The following FSTL4 variants were observed in gnomAD, a reference collection of about 807,000 sequenced individuals.
The protein encoded by FSTL4 is follistatin like 4.
Under a neutral mutation model 78.2 loss-of-function variants are expected in FSTL4, and 28 were observed. That is an observed-to-expected ratio of 0.36 (90% CI 0.27 to 0.49). The LOEUF (loss-of-function observed/expected upper bound fraction) is 0.49, where lower values mean the gene tolerates loss of function less well. Among genes scored for constraint, FSTL4 ranks in the 20% least tolerant of loss-of-function variants. The pLI is 0.98. For synonymous variants in FSTL4, 422 were observed against 440.5 expected, an observed-to-expected ratio of 0.96 and a Z score of 0.53; for missense variants, 922 against 1,084.9, an observed-to-expected ratio of 0.85 and a Z score of 2.11.
chr5:133,240,759 TCAATGAATATTTGC>T (rs746785736), intron 7 of FSTL4, among the ~76,000 whole-genome samples: 2 of 152,178 alleles, frequency 1.3e-5, no homozygotes, highest in Non-Finnish European at 2.9e-5. Context: ...ATAACTGAGC[TCAATGAATATTTGC>T]TGATTTCAGG....
chr5:133,500,147 T>C (rs998085991), intron 3 of FSTL4, among the ~76,000 whole-genome samples: 4 of 152,312 alleles, frequency 2.6e-5, no homozygotes, highest in East Asian at 1.9e-4. Flanking sequence ...GTCTTTTTAT[T>C]GCCTGGGCCT....
chr5:133,444,778 C>G (rs1465922276), intron 3 of FSTL4, among the ~76,000 whole-genome samples: 1 of 152,178 alleles, frequency 6.6e-6, no homozygotes, highest in African/African-American at 2.4e-5. Flanking sequence ...TAGCTGTGGG[C>G]CCATGGCACA....
intron 1 of FSTL4, among the ~76,000 whole-genome samples, chr5:133,609,420 GA>G (rs933379978): frequency 4.6e-5 from 7 of 152,104 alleles, no homozygotes; most frequent in Admixed American, 1.3e-4. Context: ...TTTAAAGGGG[GA>G]AAAAAAGCCA....
chr5:133,537,176 C>T (rs1247386612), intron 3 of FSTL4, among the ~76,000 whole-genome samples: 1 of 152,172 alleles, frequency 6.6e-6, no homozygotes, highest in Non-Finnish European at 1.5e-5. Context: ...TGTCAAATTA[C>T]ACACACTCAT....
intron 1 of FSTL4, among the ~76,000 whole-genome samples, chr5:133,610,049 T>A (rs189413088): frequency 1.2e-4 from 19 of 152,330 alleles, no homozygotes; most frequent in Non-Finnish European, 2.1e-4. Flanking sequence ...CAATGACTAT[T>A]CAATGCTAGT....
At chr5:133,702,337 G>T in the FSTL4 span, among the ~76,000 whole-genome samples, 1 of 152,168 alleles carries the variant, frequency 6.6e-6, no homozygotes, top group Non-Finnish European at 1.5e-5. Context: ...TCTAGAGAAG[G>T]CTATGGCTCC....
chr5:133,662,501 G>A, the FSTL4 span, among the ~76,000 whole-genome samples: 1 of 152,116 alleles, frequency 6.6e-6, no homozygotes, highest in East Asian at 1.9e-4. Flanking sequence ...GGAGGGAGGA[G>A]GGAACGTGAC....
the FSTL4 span, among the ~76,000 whole-genome samples, chr5:133,625,571 T>A: frequency 4.0e-4 from 60 of 150,292 alleles, 1 homozygote; most frequent in African/African-American, 1.4e-3. Flanking sequence ...AACTCTTTGT[T>A]TCATTGATTT....
At chr5:133,487,404 G>A (rs1464339979) in intron 3 of FSTL4, among the ~76,000 whole-genome samples, 3 of 152,182 alleles carry the variant, frequency 2.0e-5, no homozygotes, top group Non-Finnish European at 4.4e-5. Context: ...TGGAGCATGA[G>A]CCACTCTGAG....
intron 3 of FSTL4, among the ~76,000 whole-genome samples, chr5:133,503,585 G>A (rs1424219113): frequency 6.6e-6 from 1 of 152,184 alleles, no homozygotes; most frequent in African/African-American, 2.4e-5. Flanking sequence ...GGCTCTCCAG[G>A]CCCTGTGGTA....
chr5:133,537,162 T>G (rs1193972459), intron 3 of FSTL4, among the ~76,000 whole-genome samples: 2 of 152,236 alleles, frequency 1.3e-5, no homozygotes, highest in Non-Finnish European at 2.9e-5. Flanking sequence ...TTATAGAACC[T>G]GCTTGTCAAA....
chr5:133,713,461 AAG>A, the FSTL4 span, among the ~76,000 whole-genome samples: 2 of 152,222 alleles, frequency 1.3e-5, no homozygotes, highest in Middle Eastern at 3.2e-3. Context: ...GCACTGTAGA[AAG>A]CAAGCACCCA....
chr5:133,682,084 G>A, the FSTL4 span, among the ~76,000 whole-genome samples: 1 of 152,298 alleles, frequency 6.6e-6, no homozygotes, highest in African/African-American at 2.4e-5. Flanking sequence ...AGGAACCCCA[G>A]TGTGGCACCC....
intron 3 of FSTL4, among the ~76,000 whole-genome samples, chr5:133,532,932 G>A (rs1759285792): frequency 6.6e-6 from 1 of 152,192 alleles, no homozygotes; most frequent in Admixed American, 6.5e-5. Flanking sequence ...AGCCAGGGCA[G>A]GTGATCTCCA....
chr5:133,369,896 A>G (rs1332611031), intron 4 of FSTL4, among the ~76,000 whole-genome samples: 1 of 152,172 alleles, frequency 6.6e-6, no homozygotes, highest in Non-Finnish European at 1.5e-5. Flanking sequence ...CAGGGCAGCT[A>G]GCTATGACAC....
the FSTL4 span, among the ~76,000 whole-genome samples, chr5:133,794,677 A>G: frequency 4.6e-5 from 7 of 152,222 alleles, no homozygotes; most frequent in African/African-American, 1.7e-4. Context: ...TCACCCATGT[A>G]GTTCTATCAG....
At chr5:133,674,776 G>A in the FSTL4 span, among the ~76,000 whole-genome samples, 1 of 152,332 alleles carries the variant, frequency 6.6e-6, no homozygotes, top group South Asian at 2.1e-4. Context: ...CATGAGTTGT[G>A]TGGGTAATGA....
At chr5:133,360,769 C>T (rs1755051445) in intron 4 of FSTL4, among the ~76,000 whole-genome samples, 1 of 152,130 alleles carries the variant, frequency 6.6e-6, no homozygotes, top group Non-Finnish European at 1.5e-5. Flanking sequence ...ATGCATTACC[C>T]TTCAAAAATA....
chr5:133,347,454 C>T (rs1754720722), intron 4 of FSTL4, among the ~76,000 whole-genome samples: 1 of 152,200 alleles, frequency 6.6e-6, no homozygotes, highest in Admixed American at 6.5e-5. Flanking sequence ...TCAAGTGATT[C>T]TCCTGCCTCA....
Sources: gnomAD v4.1 joint callset for allele counts (sites outside exome capture counted in the v4.1 genomes callset) on GRCh38, gnomAD v4.1.1 for gene constraint, MANE v1.5 for transcripts, NCBI Gene and HGNC (gene_info 2026-07-23, HGNC 2026-07-21) for gene names.